The following NCKAP5 variants were observed in gnomAD, a reference collection of about 807,000 sequenced individuals.
NCKAP5 encodes nck-associated protein 5.
NCKAP5 carries 92 observed loss-of-function variants against 167.0 expected under a neutral mutation model. The observed-to-expected ratio is 0.55, with a 90% CI of 0.47 to 0.66. NCKAP5 has a LOEUF of 0.66. Ranked by LOEUF, NCKAP5 falls within the 30% of genes least tolerant of loss-of-function variation. NCKAP5 has a pLI of 0.00. For synonymous variants in NCKAP5, 891 were observed against 877.4 expected (o/e 1.02, Z -0.27); for missense variants, 2,378 against 2,315.0 (o/e 1.03, Z -0.56).
At chr2:133,509,913 C>T (rs769645139) in intron 3 of NCKAP5, among the ~76,000 whole-genome samples, 3 of 152,110 alleles carry the variant, frequency 2.0e-5, no homozygotes, top group Admixed American at 6.5e-5. Flanking sequence ...CAGGAAGGGG[C>T]GTGTTCATAA....
chr2:133,636,657 G>A, the NCKAP5 span, among the ~76,000 whole-genome samples: 1 of 152,252 alleles, frequency 6.6e-6, no homozygotes, highest in Admixed American at 6.5e-5. Flanking sequence ...AATCCTAGTA[G>A]CCAAAAGAGC....
intron 3 of NCKAP5, among the ~76,000 whole-genome samples, chr2:133,344,752 T>G (rs1683847619): frequency 6.6e-6 from 1 of 152,272 alleles, no homozygotes; most frequent in South Asian, 2.1e-4. Flanking sequence ...CTTAGTTAGC[T>G]TTTGCTGATA....
chr2:133,632,505 T>G, the NCKAP5 span, among the ~76,000 whole-genome samples: 1 of 152,220 alleles, frequency 6.6e-6, no homozygotes, highest in African/African-American at 2.4e-5. Context: ...TTATTTACTT[T>G]TTTATACTTT....
At chr2:133,611,296 A>T in the NCKAP5 span, among the ~76,000 whole-genome samples, 1 of 151,964 alleles carries the variant, frequency 6.6e-6, no homozygotes. Context: ...TCCATCTGCA[A>T]AAAGCATTTC....
intron 3 of NCKAP5, among the ~76,000 whole-genome samples, chr2:133,421,990 G>C (rs909125422): frequency 1.2e-4 from 18 of 152,290 alleles, no homozygotes; most frequent in Non-Finnish European, 2.2e-4. Context: ...TACTGCATTT[G>C]GCATTGGGGA....
chr2:133,054,900 A>G (rs1027792390), intron 6 of NCKAP5, among the ~76,000 whole-genome samples: 2 of 152,190 alleles, frequency 1.3e-5, no homozygotes, highest in Admixed American at 6.5e-5. Flanking sequence ...GCTCCATCAA[A>G]CAAAATGAAA....
intron 5 of NCKAP5, among the ~76,000 whole-genome samples, chr2:133,163,920 G>C (rs547472696): frequency 6.6e-6 from 1 of 152,106 alleles, no homozygotes; most frequent in Non-Finnish European, 1.5e-5. Flanking sequence ...TAAATAATTT[G>C]TCTGTTTTGC....
chr2:132,715,159 T>TC (rs937763406), intron 19 of NCKAP5, among the ~76,000 whole-genome samples: 3 of 152,182 alleles, frequency 2.0e-5, no homozygotes, highest in African/African-American at 7.2e-5. Context: ...CTGTTCTTCT[T>TC]CCCCCGATAC....
chr2:133,259,411 A>G (rs1205912917), intron 4 of NCKAP5, among the ~76,000 whole-genome samples: 3 of 152,242 alleles, frequency 2.0e-5, no homozygotes, highest in Non-Finnish European at 4.4e-5. Context: ...AATTACTATG[A>G]ACTCATGAAA....
chr2:133,440,654 G>T (rs893057921), intron 3 of NCKAP5, among the ~76,000 whole-genome samples: 1 of 137,894 alleles, frequency 7.3e-6, no homozygotes, highest in Non-Finnish European at 1.5e-5. Context: ...AGCTTGCAGT[G>T]AGCAGAGATG....
chr2:132,672,891 C>T lies in NCKAP5; in HGVS notation c.*398G>A. 1.1e-6 allele frequency: 1 copy of T among 889,378 alleles called. No individual in the cohort carries two copies. Among genetic ancestry groups the T allele is most frequent in the Non-Finnish European group, 1.3e-6 (1 of 740,842 alleles). 55.1% of individuals were successfully genotyped at this position (889,378 alleles called of 1,614,324 possible). A position where few individuals can be genotyped will look rare whatever the true frequency, so the allele number is the denominator to read the frequency against. On this transcript the variant is annotated 3_prime_UTR_variant, in exon 20 of 20. Transcript: ENST00000409261. ...GAAATAAGCTCTGGTGGGTTGCCTGCTGTGAATTTGACAAGGAAGGCTCTG... is the reference window on the plus strand; with the variant it reads ...GAAATAAGCTCTGGTGGGTTGCCTGTTGTGAATTTGACAAGGAAGGCTCTG...
chr2:132,841,574 G>A (rs1688299924), intron 11 of NCKAP5, among the ~76,000 whole-genome samples: 1 of 151,938 alleles, frequency 6.6e-6, no homozygotes, highest in Non-Finnish European at 1.5e-5. Flanking sequence ...AATAATAGTG[G>A]CATTATTATT....
At chr2:132,986,640 T>C (rs1293232379) in intron 7 of NCKAP5, among the ~76,000 whole-genome samples, 2 of 152,238 alleles carry the variant, frequency 1.3e-5, no homozygotes, top group East Asian at 3.8e-4. Flanking sequence ...CATTTTATAC[T>C]AAAGATATTG....
At chr2:133,591,557 G>A in the NCKAP5 span, among the ~76,000 whole-genome samples, 1 of 152,296 alleles carries the variant, frequency 6.6e-6, no homozygotes, top group Admixed American at 6.5e-5. Context: ...AAACAGCTTG[G>A]AGAACATTTT....
intron 4 of NCKAP5, among the ~76,000 whole-genome samples, chr2:133,243,461 C>T (rs985850437): frequency 1.3e-5 from 2 of 152,182 alleles, no homozygotes; most frequent in Admixed American, 6.5e-5. Context: ...GGAGAAAATG[C>T]TGTGACAGTG....
At chr2:132,911,799 A>T (rs1244066376) in intron 8 of NCKAP5, among the ~76,000 whole-genome samples, 1 of 152,166 alleles carries the variant, frequency 6.6e-6, no homozygotes, top group Non-Finnish European at 1.5e-5. Flanking sequence ...AAAAGGAAAA[A>T]GATTTATTAT....
At chr2:133,289,876 T>G (rs1204202955) in intron 4 of NCKAP5, among the ~76,000 whole-genome samples, 1 of 152,074 alleles carries the variant, frequency 6.6e-6, no homozygotes, top group East Asian at 1.9e-4. Flanking sequence ...CAGGCACATC[T>G]TACATGGCCA....
At chr2:133,476,619 A>G (rs1198903149) in intron 3 of NCKAP5, among the ~76,000 whole-genome samples, 2 of 152,164 alleles carry the variant, frequency 1.3e-5, no homozygotes, top group South Asian at 2.1e-4. Flanking sequence ...CTCTTCATAC[A>G]TTCTTCCCCT....
chr2:132,869,483 T>A (rs1396457487), intron 9 of NCKAP5, among the ~76,000 whole-genome samples: 1 of 152,172 alleles, frequency 6.6e-6, no homozygotes, highest in Non-Finnish European at 1.5e-5. Flanking sequence ...ATCTTCAATG[T>A]TTTTGCTTAA....
Sources: gnomAD v4.1 joint callset for allele counts (sites outside exome capture counted in the v4.1 genomes callset) on GRCh38, gnomAD v4.1.1 for gene constraint, MANE v1.5 for transcripts, NCBI Gene and HGNC (gene_info 2026-07-23, HGNC 2026-07-21) for gene names.